The following ZNF486 variants were observed in gnomAD, a reference collection of about 807,000 sequenced individuals.
The protein encoded by ZNF486 is KRAB box only protein 2.
ZNF486 carries 12 observed loss-of-function variants against 12.8 expected under a neutral mutation model. That is an observed-to-expected ratio of 0.94 (90% confidence interval 0.60 to 1.52). ZNF486 has a LOEUF of 1.52. Ranked by LOEUF, ZNF486 falls within the 40% of genes most tolerant of loss-of-function variation. The probability of loss-of-function intolerance (pLI) is 0.00; values close to 1 mark genes in which losing one functional copy is unlikely to be tolerated. For synonymous variants in ZNF486, 231 were observed against 184.9 expected (o/e 1.25, Z -2.02); for missense variants, 738 against 545.0 (o/e 1.35, Z -3.53).
At chr19:20,176,230 C>A (rs913553369) in intron 1 of ZNF486, 2 of 190,570 alleles carry the variant, frequency 1.0e-5, no homozygotes, top group Non-Finnish European at 2.2e-5. Context: ...ATACGATGGG[C>A]GGCCGGGCAG....
rs2089981098 is a variant in ZNF486, at chr19:20,198,223, T to G, written c.*121T>G. 2 of 795,410 alleles carry G rather than the reference T, an allele frequency of 2.5e-6. No homozygotes were observed. Among genetic ancestry groups the G allele is most frequent in the Non-Finnish European group, 2.0e-6 (1 of 503,560 alleles). The allele number at this position is 795,410 out of a possible 1,614,324, so 49.3% of individuals were successfully genotyped here. A position where few individuals can be genotyped will look rare whatever the true frequency, so the allele number is the denominator to read the frequency against. ...CCTCCACCTTCTGGGTTCAAGTAAC[T>G]CTCCTTAGTAGCTAGGATTACAGGG... On this transcript the variant is annotated 3_prime_UTR_variant, in exon 4 of 4. Coordinates refer to ENST00000335117, the MANE Select transcript of ZNF486 (RefSeq NM_052852.4).
In ZNF486 at chr19:20,197,617, TTTAACCA is replaced by T; in HGVS notation, c.909_915del (p.Asn304LeufsTer65). On this transcript the variant is annotated frameshift_variant, in exon 4 of 4. Coordinates refer to ENST00000335117, the MANE Select transcript of ZNF486 (RefSeq NM_052852.4). LOFTEE classifies it low-confidence loss of function (END_TRUNC). ...CAAATGTAAAGAATGTGACAAAGCT[TTTAACCA>T]TCCTGCAACTCTTTCTTCACATAAG... The T allele has an allele frequency of 6.2e-7, 1 of 1,613,852 alleles. No homozygotes were observed. The highest frequency in any genetic ancestry group is 8.5e-7 in the Non-Finnish European group (1 of 1,179,854).
At position 20,198,129 on chromosome 19, in the gene ZNF486, T is replaced by A. The variant is rs782101742; in HGVS notation, c.*27T>A. 2.4e-5 allele frequency: 36 copies of A among 1,512,068 alleles called. No individual in the cohort carries two copies. The highest frequency in any genetic ancestry group is 3.6e-4 in the Middle Eastern group (2 of 5,622). 93.7% of individuals were successfully genotyped at this position (1,512,068 alleles called of 1,614,324 possible). A position where few individuals can be genotyped will look rare whatever the true frequency, so the allele number is the denominator to read the frequency against. ...AAAGGATTATTTTATTATTATTATT[T>A]TTTTGAGAGGTAATTCTGCTGTTGT... On this transcript the variant is annotated 3_prime_UTR_variant, in exon 4 of 4. Transcript: ENST00000335117.
At chr19:20,172,805 G>A (rs1431972420) in intron 1 of ZNF486, among the ~76,000 whole-genome samples, 1 of 151,652 alleles carries the variant, frequency 6.6e-6, no homozygotes, top group East Asian at 1.9e-4. Context: ...ACCACACCCT[G>A]CTAATTTTTG....
At chr19:20,184,331 A>G in intron 1 of ZNF486, 25 bp from the exon 2 acceptor site, 1 of 1,545,026 alleles carries the variant, frequency 6.5e-7, no homozygotes, top group South Asian at 1.2e-5. Context: ...CTTGGTGAAA[A>G]TGTGTGTGTG....
chr19:20,172,171 T>C (rs1252940745), intron 1 of ZNF486, among the ~76,000 whole-genome samples: 1 of 151,846 alleles, frequency 6.6e-6, no homozygotes, highest in African/African-American at 2.4e-5. Flanking sequence ...GTCTAGCTAA[T>C]TTTGTACTTT....
chr19:20,195,624 C>A (rs1426891104), intron 3 of ZNF486, among the ~76,000 whole-genome samples: 14 of 152,296 alleles, frequency 9.2e-5, no homozygotes, highest in African/African-American at 2.6e-4. Flanking sequence ...CTACCTGTTA[C>A]AATCTTTATA....
At chr19:20,180,759 C>T (rs782717838) in intron 1 of ZNF486, among the ~76,000 whole-genome samples, 2 of 152,014 alleles carry the variant, frequency 1.3e-5, no homozygotes, top group South Asian at 2.1e-4. Context: ...CTCCTGACCT[C>T]GTGATCCACC....
At chr19:20,175,394 G>C (rs2089696029) in intron 1 of ZNF486, 1 of 144,722 alleles carries the variant, frequency 6.9e-6, no homozygotes, top group Non-Finnish European at 1.5e-5. Context: ...GATTTGGCAG[G>C]GTCATAGGAC....
At chr19:20,167,993 G>A (rs1299898497) in intron 1 of ZNF486, among the ~76,000 whole-genome samples, 1 of 152,068 alleles carries the variant, frequency 6.6e-6, no homozygotes, top group Non-Finnish European at 1.5e-5. Context: ...AGCCAACCGG[G>A]ATCAGCTTAG....
In ZNF486 at chr19:20,167,301, C is replaced by T. The variant is rs1244116137; in HGVS notation, c.-30C>T. 1.9e-6 allele frequency: 3 copies of T among 1,613,962 alleles called. No individual in the cohort carries two copies. The highest frequency in any genetic ancestry group is 2.5e-6 in the Non-Finnish European group (3 of 1,179,966). On this transcript the variant is annotated 5_prime_UTR_variant, in exon 1 of 4. Transcript: ENST00000335117. ...AGGCCCACCCTCTGTGGCCCTGTGTCCTGTAGGTATTGGGAGATCCACAGC... is the reference window on the plus strand; with the variant it reads ...AGGCCCACCCTCTGTGGCCCTGTGTTCTGTAGGTATTGGGAGATCCACAGC...
chr19:20,167,639 G>A (rs10410951), intron 1 of ZNF486, among the ~76,000 whole-genome samples: 1 of 152,170 alleles, frequency 6.6e-6, no homozygotes, highest in Non-Finnish European at 1.5e-5. Context: ...CTCCCAGATG[G>A]TGCGGGAACC....
intron 3 of ZNF486, among the ~76,000 whole-genome samples, chr19:20,192,300 T>C (rs1261186322): frequency 2.0e-5 from 3 of 152,116 alleles, no homozygotes; most frequent in Non-Finnish European, 4.4e-5. Flanking sequence ...TTTCTTCATA[T>C]GTATATATTT....
chr19:20,192,752 CTA>C (rs2089914687), intron 3 of ZNF486, among the ~76,000 whole-genome samples: 1 of 152,148 alleles, frequency 6.6e-6, no homozygotes, highest in African/African-American at 2.4e-5. Context: ...TCATAGCCAT[CTA>C]TGTTTTTTGT....
chr19:20,193,889 T>C (rs2089930296), intron 3 of ZNF486, among the ~76,000 whole-genome samples: 1 of 152,098 alleles, frequency 6.6e-6, no homozygotes, highest in Admixed American at 6.6e-5. Flanking sequence ...ATCTTAGTGG[T>C]AACATGGGGG....
chr19:20,197,536 ATGTACCCCTATACCCTTACTACACAT>A lies in ZNF486; in HGVS notation c.827_852del (p.Met276LysfsTer13). The A allele has an allele frequency of 6.2e-7, 1 of 1,612,874 alleles. No homozygotes were observed. Among genetic ancestry groups the A allele is most frequent in the Non-Finnish European group, 8.5e-7 (1 of 1,179,486 alleles). On this transcript the variant is annotated frameshift_variant, in exon 4 of 4. Coordinates refer to ENST00000335117, the MANE Select transcript of ZNF486 (RefSeq NM_052852.4). LOFTEE classifies it low-confidence loss of function (END_TRUNC). ...TTGTGAAGAATGTGGCAAAGCCTTTATGTACCCCTATACCCTTACTACACATAAGATAATCCATACTGGAGAGCAAC... is the reference window on the plus strand; with the variant it reads ...TTGTGAAGAATGTGGCAAAGCCTTTAAAGATAATCCATACTGGAGAGCAAC...
chr19:20,172,427 T>A (rs1555714020), intron 1 of ZNF486, among the ~76,000 whole-genome samples: 1 of 151,902 alleles, frequency 6.6e-6, no homozygotes, highest in African/African-American at 2.4e-5. Context: ...GCCTCCTGAG[T>A]AGCTGGGATT....
Position 20,197,310 on chromosome 19 carries a change from T to TA in ZNF486, c.607dup (p.Ile203AsnfsTer2), listed in dbSNP as rs1555718177. On this transcript the variant is annotated frameshift_variant, in exon 4 of 4. Transcript: ENST00000335117. LOFTEE classifies it low-confidence loss of function (END_TRUNC). The stretch of plus-strand genomic sequence containing the variant: ...ACCAGTCCTCAACCCATACTACACA[T>TA]AAAAAAATTGATACTGGAGAGAAAC... The TA allele has an allele frequency of 1.2e-6, 2 of 1,612,032 alleles. No homozygotes were observed. Among genetic ancestry groups the TA allele is most frequent in the South Asian group, 1.1e-5 (1 of 90,760 alleles).
At chr19:20,193,493 C>G (rs1392915957) in intron 3 of ZNF486, among the ~76,000 whole-genome samples, 1 of 151,818 alleles carries the variant, frequency 6.6e-6, no homozygotes, top group Non-Finnish European at 1.5e-5. Context: ...AACGCTGTCT[C>G]TACTAAAAAA....
Sources: gnomAD v4.1 joint callset for allele counts (sites outside exome capture counted in the v4.1 genomes callset) on GRCh38, gnomAD v4.1.1 for gene constraint, MANE v1.5 for transcripts, NCBI Gene and HGNC (gene_info 2026-07-23, HGNC 2026-07-21) for gene names.